The following PDE1C variants were observed in gnomAD, a reference collection of about 807,000 sequenced individuals.
The protein encoded by PDE1C is dual specificity calcium/calmodulin-dependent 3',5'-cyclic nucleotide phosphodiesterase 1C.
PDE1C carries 62 observed loss-of-function variants against 93.1 expected under a neutral mutation model. The observed-to-expected ratio is 0.67, with a 90% CI of 0.54 to 0.82. The LOEUF is 0.82. Among genes scored for constraint, PDE1C ranks in the 40% least tolerant of loss-of-function variants. The pLI is 0.00. For synonymous variants in PDE1C, 325 were observed against 310.1 expected, an observed-to-expected ratio of 1.05 and a Z score of -0.50; for missense variants, 742 against 884.6, an observed-to-expected ratio of 0.84 and a Z score of 2.04.
the PDE1C span, among the ~76,000 whole-genome samples, chr7:31,675,014 C>T: frequency 9.9e-5 from 15 of 152,200 alleles, no homozygotes; most frequent in African/African-American, 1.4e-4. Context: ...AAAAGGCTTA[C>T]GCTTGCTACT....
intron 5 of PDE1C, among the ~76,000 whole-genome samples, chr7:31,876,902 C>G (rs1796664308): frequency 6.6e-6 from 1 of 152,020 alleles, no homozygotes. Flanking sequence ...TCAAATTCAG[C>G]TAGTAAATGT....
At chr7:31,747,632 C>A (rs979719305), downstream of PDE1C, among the ~76,000 whole-genome samples, 5 of 152,142 alleles carry the variant, frequency 3.3e-5, no homozygotes, top group African/African-American at 1.2e-4. Context: ...ACTTACTTAT[C>A]ACTTACATCA....
chr7:31,619,476 G>A, the PDE1C span, among the ~76,000 whole-genome samples: 1 of 151,306 alleles, frequency 6.6e-6, no homozygotes, highest in Non-Finnish European at 1.5e-5. Context: ...TTTAAAGCAG[G>A]TAAAGTTACT....
At chr7:32,163,973 T>C (rs1802069833) in intron 3 of PDE1C, among the ~76,000 whole-genome samples, 1 of 152,216 alleles carries the variant, frequency 6.6e-6, no homozygotes. Flanking sequence ...AAGCCCATTA[T>C]TTTACTGTTT....
chr7:31,702,147 A>G, the PDE1C span, among the ~76,000 whole-genome samples: 1 of 151,906 alleles, frequency 6.6e-6, no homozygotes, highest in African/African-American at 2.4e-5. Flanking sequence ...TTATGCTATG[A>G]TATGGGAAAT....
At chr7:31,702,519 C>T in the PDE1C span, among the ~76,000 whole-genome samples, 1 of 152,182 alleles carries the variant, frequency 6.6e-6, no homozygotes, top group Non-Finnish European at 1.5e-5. Context: ...AGCTCGAAGC[C>T]TCTGCTATCA....
At chr7:32,193,136 T>C (rs1392920904) in intron 2 of PDE1C, among the ~76,000 whole-genome samples, 4 of 152,176 alleles carry the variant, frequency 2.6e-5, no homozygotes, top group African/African-American at 9.6e-5. Context: ...TCTGTATGTT[T>C]TTAAATTTTT....
At chr7:32,112,846 G>GTATA (rs1203879712) in intron 3 of PDE1C, among the ~76,000 whole-genome samples, 64 of 59,154 alleles carry the variant, frequency 1.1e-3, no homozygotes, top group African/African-American at 2.2e-3. Flanking sequence ...GTGTGTGTGT[G>GTATA]TATATATATA....
the PDE1C span, chr7:31,652,913 G>A: frequency 1.3e-6 from 2 of 1,541,488 alleles, no homozygotes; most frequent in Non-Finnish European, 1.7e-6. Context: ...TCCCCAAGGA[G>A]AAGGGTCTGC....
At chr7:32,304,427 G>A (rs1812948450) in intron 1 of PDE1C, among the ~76,000 whole-genome samples, 1 of 152,158 alleles carries the variant, frequency 6.6e-6, no homozygotes, top group South Asian at 2.1e-4. Context: ...GGAGATGATG[G>A]GATTGGGGTA....
chr7:31,674,317 TAAAG>T, the PDE1C span, among the ~76,000 whole-genome samples: 1 of 152,162 alleles, frequency 6.6e-6, no homozygotes, highest in Admixed American at 6.5e-5. Context: ...AGTTATGCAA[TAAAG>T]AAAGTACATA....
intron 16 of PDE1C, among the ~76,000 whole-genome samples, chr7:31,777,588 A>G (rs1004242418): frequency 2.0e-5 from 3 of 152,006 alleles, no homozygotes; most frequent in African/African-American, 4.8e-5. Context: ...CGGGCTCTCA[A>G]AGTGCTGGGA....
At chr7:31,693,487 C>T in the PDE1C span, among the ~76,000 whole-genome samples, 65 of 152,276 alleles carry the variant, frequency 4.3e-4, no homozygotes, top group African/African-American at 1.6e-3. Context: ...GATACCATAA[C>T]CTGCCAGCAG....
chr7:31,859,843 T>C (rs12670141), intron 7 of PDE1C, among the ~76,000 whole-genome samples: 15,348 of 152,264 alleles, frequency 0.1, 1,121 homozygotes, highest in East Asian at 0.25. Context: ...TGTATATACA[T>C]GTGCTATGTT....
rs537852565 is a variant in PDE1C at position 31,752,327 on chromosome 7, C to T, written c.*1057G>A. 6.6e-6 allele frequency: 1 copy of T among 152,142 alleles called. No homozygotes were observed. The highest frequency in any genetic ancestry group is 2.4e-5 in the African/African-American group (1 of 41,504). The allele number at this position is 152,142 out of a possible 1,614,324, so 9.4% of individuals were successfully genotyped here. ...AGACACAGAAGGGCTAACAATGCCA[C>T]CATAAAAAGAGGTGAGTTATAAAAC... On this transcript the variant is annotated 3_prime_UTR_variant, in exon 18 of 18. Transcript: ENST00000396191.
chr7:32,021,221 T>C (rs185036041), intron 2 of PDE1C, among the ~76,000 whole-genome samples: 121 of 152,160 alleles, frequency 8.0e-4, no homozygotes, highest in African/African-American at 2.7e-3. Context: ...TTTTCCCACA[T>C]CCATAGTTGC....
chr7:31,627,752 G>A, the PDE1C span, among the ~76,000 whole-genome samples: 2 of 149,676 alleles, frequency 1.3e-5, no homozygotes, highest in South Asian at 2.1e-4. Context: ...TCAGTCCTCT[G>A]CACATCTTTC....
At chr7:32,313,838 G>A (rs577259278) in intron 1 of PDE1C, among the ~76,000 whole-genome samples, 46 of 151,602 alleles carry the variant, frequency 3.0e-4, no homozygotes, top group African/African-American at 1.0e-3. Flanking sequence ...ACACCAACAT[G>A]GCACATGTAT....
Position 32,421,258 on chromosome 7 carries a change from G to A in PDE1C, c.310+6564C>T, listed in dbSNP as rs78357894. On this transcript the variant is annotated intron_variant, in intron 1 of 1. Coordinates refer to the PDE1C transcript ENST00000672256. ...ATGAACTGCTTTGTGGATTTTGCTG[G>A]CCTCCCCGCGGCCTTCAGCCTCTCT... Among the ~76,000 whole-genome samples, 670 of 152,266 alleles carry A rather than the reference G, an allele frequency of 4.4e-3. 7 individuals carry two copies. The highest frequency in any genetic ancestry group is 0.016 in the African/African-American group (653 of 41,552).
Sources: allele counts gnomAD v4.1 joint callset (sites outside exome capture counted in the v4.1 genomes callset), GRCh38; gene constraint gnomAD v4.1.1; transcripts MANE v1.5; gene names NCBI Gene and HGNC (gene_info 2026-07-23, HGNC 2026-07-21).